Variants in TBC1D31 observed in about 807,000 individuals in gnomAD.
TBC1D31 encodes the protein WD repeat domain 67.
TBC1D31 carries 99 observed loss-of-function variants against 132.9 expected under a neutral mutation model. The ratio of observed to expected loss-of-function variants is 0.74; its 90% confidence interval spans 0.63 to 0.88. The LOEUF (loss-of-function observed/expected upper bound fraction) is 0.88, where lower values mean the gene tolerates loss of function less well. Ranked by LOEUF, TBC1D31 falls within the 40% of genes least tolerant of loss-of-function variation. TBC1D31 has a pLI of 0.00. For synonymous variants in TBC1D31, 385 were observed against 419.4 expected, an observed-to-expected ratio of 0.92 and a Z score of 1.00; for missense variants, 1,134 against 1,256.6, an observed-to-expected ratio of 0.90 and a Z score of 1.48.
At chr8:123,138,941 C>G (rs888325654) in intron 17 of TBC1D31, among the ~76,000 whole-genome samples, 6 of 152,110 alleles carry the variant, frequency 3.9e-5, no homozygotes, top group Admixed American at 1.3e-4. Flanking sequence ...TCCCAAGTAG[C>G]TGGGACTACA....
At chr8:123,107,630 G>C (rs1292385273) in intron 8 of TBC1D31, among the ~76,000 whole-genome samples, 1 of 152,152 alleles carries the variant, frequency 6.6e-6, no homozygotes. Context: ...GACCTTTTCT[G>C]GGAAAACTGG....
intron 7 of TBC1D31, among the ~76,000 whole-genome samples, chr8:123,101,830 C>G (rs1256132883): frequency 6.6e-6 from 1 of 152,206 alleles, no homozygotes; most frequent in Non-Finnish European, 1.5e-5. Flanking sequence ...AAAGAAATAT[C>G]TTAAACTCAG....
chr8:123,139,407 A>T (rs1254313863), intron 17 of TBC1D31, among the ~76,000 whole-genome samples: 2 of 152,178 alleles, frequency 1.3e-5, no homozygotes, highest in African/African-American at 4.8e-5. Context: ...TAATTTTGAA[A>T]GTCCCTATTC....
chr8:123,123,055 C>T (rs1243307154), intron 11 of TBC1D31: 1 of 152,274 alleles, frequency 6.6e-6, no homozygotes, highest in Non-Finnish European at 1.5e-5. Context: ...CAGATGCAAG[C>T]CCAGTGGACA....
At position 123,148,076 on chromosome 8, in the gene TBC1D31, A is replaced by G. The variant is rs541053854; in HGVS notation, c.2975-1960A>G. On this transcript the variant is annotated intron_variant, in intron 20 of 21. Coordinates refer to ENST00000287380, the MANE Select transcript of TBC1D31 (RefSeq NM_145647.4). ...CAGGAGGCAGAGGTTGCAGTAAGCC[A>G]AGATCGCACCACTGCACTCCAGCCT... Among the ~76,000 whole-genome samples the G allele has an allele frequency of 3.3e-3, 499 of 151,934 alleles. 2 individuals are homozygous for G. The highest frequency in any genetic ancestry group is 0.011 in the African/African-American group (450 of 41,440).
At chr8:123,124,918 C>T (rs182517376) in intron 11 of TBC1D31, among the ~76,000 whole-genome samples, 240 of 131,468 alleles carry the variant, frequency 1.8e-3, no homozygotes, top group African/African-American at 6.5e-3. Flanking sequence ...GCCTGGGCCA[C>T]AGAGTGAGAC....
At chr8:123,137,560 C>T (rs1372142245) in intron 17 of TBC1D31, among the ~76,000 whole-genome samples, 18 of 152,214 alleles carry the variant, frequency 1.2e-4, no homozygotes, top group South Asian at 4.1e-4. Context: ...CAAAGATGTG[C>T]GACAGTATGT....
chr8:123,115,065 A>G (rs77836271), intron 10 of TBC1D31, among the ~76,000 whole-genome samples: 1,937 of 152,270 alleles, frequency 0.013, 36 homozygotes, highest in African/African-American at 0.044. Context: ...TACCCTCATA[A>G]ATATCTTGTG....
intron 19 of TBC1D31, 133 bp from the exon 20 acceptor site, chr8:123,144,584 C>A: frequency 2.2e-6 from 2 of 901,544 alleles, no homozygotes; most frequent in Non-Finnish European, 3.2e-6. Flanking sequence ...GTTACCATAA[C>A]ACCAAACAGA....
chr8:123,094,844 T>C (rs1274511522), intron 5 of TBC1D31, among the ~76,000 whole-genome samples: 1 of 152,212 alleles, frequency 6.6e-6, no homozygotes, highest in Non-Finnish European at 1.5e-5. Context: ...CCCGACCTAT[T>C]ATCACACTTT....
At position 123,084,310 on chromosome 8, in the gene TBC1D31, G is replaced by A. The variant is rs1815489109; in HGVS notation, c.489G>A (p.Leu163=). ...DLDTFQRKRK[L]NIRQSVGIQK... The stretch of plus-strand genomic sequence containing the variant: ...ATACCTTTCAGAGAAAAAGAAAGCT[G>A]AATATTCGCCAGTCTGTGGGTATAC... The change falls in exon 4 of 22, where the codon CTG becomes CTA. Residue 163 remains leucine, a synonymous_variant. Coordinates refer to ENST00000287380, the MANE Select transcript of TBC1D31 (RefSeq NM_145647.4). The A allele has an allele frequency of 1.9e-6, 3 of 1,614,018 alleles. No individual in the cohort carries two copies. Among genetic ancestry groups the A allele is most frequent in the Non-Finnish European group, 2.5e-6 (3 of 1,180,020 alleles).
intron 11 of TBC1D31, among the ~76,000 whole-genome samples, chr8:123,121,273 A>G (rs1309894804): frequency 6.6e-6 from 1 of 152,200 alleles, no homozygotes; most frequent in East Asian, 1.9e-4. Context: ...ATCTATTAAA[A>G]GTAACAATGT....
At chr8:123,093,191 C>T (rs983097130) in intron 4 of TBC1D31, among the ~76,000 whole-genome samples, 58 of 152,146 alleles carry the variant, frequency 3.8e-4, no homozygotes, top group African/African-American at 1.3e-3. Context: ...TCAAGTGATC[C>T]GCCTGCTTCG....
At chr8:123,124,902 A>C (rs1819882207) in intron 11 of TBC1D31, among the ~76,000 whole-genome samples, 1 of 147,816 alleles carries the variant, frequency 6.8e-6, no homozygotes, top group Admixed American at 7.0e-5. Flanking sequence ...GCGCCACTGC[A>C]CTCCAGCCTG....
chr8:123,113,459 A>G lies in TBC1D31; in HGVS notation c.1436+3839A>G, dbSNP rs74439072. On this transcript the variant is annotated intron_variant, in intron 10 of 21. Coordinates refer to ENST00000287380, the MANE Select transcript of TBC1D31 (RefSeq NM_145647.4). ...CACTTTTAATATCATAGTGTAAGCTATAAATTTGATTAAAAATTCAAATTA... is the reference window on the plus strand; with the variant it reads ...CACTTTTAATATCATAGTGTAAGCTGTAAATTTGATTAAAAATTCAAATTA... Among the ~76,000 whole-genome samples, 549 of 152,288 alleles carry G rather than the reference A, an allele frequency of 3.6e-3. 2 individuals carry two copies. The highest frequency in any genetic ancestry group is 0.013 in the African/African-American group (533 of 41,568).
chr8:123,085,336 G>A (rs763773083), intron 4 of TBC1D31, among the ~76,000 whole-genome samples: 1 of 152,038 alleles, frequency 6.6e-6, no homozygotes, highest in Non-Finnish European at 1.5e-5. Flanking sequence ...CCACTCTTAC[G>A]TTTTCCCACC....
rs765115223 is a variant in TBC1D31 at position 123,126,554 on chromosome 8, C to G, written c.1751C>G (p.Thr584Arg). Residue 584 changes from threonine (T) to arginine (R), a missense_variant, in exon 13 of 22, where the codon ACA becomes AGA. Thr to Arg is a moderately conservative substitution (Grantham distance 71, BLOSUM62 -1). Transcript: ENST00000287380. The part of the protein sequence containing the change: ...LLETVFSEVL[T>R]REEWLKLFDN... ...GAAACTGTGTTCTCAGAAGTGCTGA[C>G]AAGAGAGGAGTGGCTGAAATTGTTC... is the stretch of plus-strand genomic sequence containing the variant. The G allele has an allele frequency of 2.5e-6, 4 of 1,613,944 alleles. No individual in the cohort carries two copies. The highest frequency in any genetic ancestry group is 3.4e-6 in the Non-Finnish European group (4 of 1,180,020).
intron 17 of TBC1D31, among the ~76,000 whole-genome samples, chr8:123,137,732 T>C (rs1468727939): frequency 6.6e-6 from 1 of 152,178 alleles, no homozygotes; most frequent in Non-Finnish European, 1.5e-5. Context: ...TCCCACCAGA[T>C]CCCATCATTT....
At chr8:123,145,596 G>A (rs770428813) in intron 20 of TBC1D31, among the ~76,000 whole-genome samples, 5 of 151,728 alleles carry the variant, frequency 3.3e-5, no homozygotes, top group South Asian at 2.1e-4. Context: ...AGGCTGAGGC[G>A]AGAGGATCTC....
Sources: allele counts gnomAD v4.1 joint callset (sites outside exome capture counted in the v4.1 genomes callset), GRCh38; gene constraint gnomAD v4.1.1; transcripts MANE v1.5; gene names NCBI Gene and HGNC (gene_info 2026-07-23, HGNC 2026-07-21).